The following NSUN6 variants were observed in gnomAD, a reference collection of about 807,000 sequenced individuals.
The protein encoded by NSUN6 is tRNA (cytosine(72)-C(5))-methyltransferase NSUN6.
A neutral mutation model predicts 58.0 loss-of-function variants in NSUN6; 64 were observed. That is an observed-to-expected ratio of 1.10 (90% CI 0.90 to 1.36). NSUN6 has a LOEUF of 1.36. Ranked by LOEUF, NSUN6 falls within the 40% of genes most tolerant of loss-of-function variation. NSUN6 has a pLI of 0.00. For synonymous variants in NSUN6, 231 were observed against 193.9 expected (o/e 1.19, Z -1.59); for missense variants, 701 against 550.1 (o/e 1.27, Z -2.74).
At chr10:18,585,911 A>C in intron 8 of NSUN6, 38 bp downstream of exon 8, 3 of 1,481,520 alleles carry the variant, frequency 2.0e-6, no homozygotes, top group Non-Finnish European at 2.8e-6. Flanking sequence ...CAAATATATG[A>C]TCTGTCAATT....
intron 2 of NSUN6, among the ~76,000 whole-genome samples, chr10:18,645,776 T>C (rs1264065018): frequency 6.6e-6 from 1 of 152,192 alleles, no homozygotes; most frequent in Non-Finnish European, 1.5e-5. Flanking sequence ...AGAGTATGAT[T>C]AACTTTTTAA....
chr10:18,555,907 G>GAATGT (rs1343582037), intron 8 of NSUN6, among the ~76,000 whole-genome samples: 7 of 13,844 alleles, frequency 5.1e-4, no homozygotes, highest in African/African-American at 1.0e-3. Flanking sequence ...ATGGAATGGA[G>GAATGT]AATGGAATGG....
intron 3 of NSUN6, among the ~76,000 whole-genome samples, chr10:18,617,792 G>A (rs1036512156): frequency 6.6e-6 from 1 of 152,100 alleles, no homozygotes; most frequent in Non-Finnish European, 1.5e-5. Flanking sequence ...GAGCTGTTCA[G>A]GTCATGAGTG....
At chr10:18,653,741 T>G (rs573993652), upstream of NSUN6, among the ~76,000 whole-genome samples, 1 of 152,292 alleles carries the variant, frequency 6.6e-6, no homozygotes, top group African/African-American at 2.4e-5. Flanking sequence ...CTCTTGGGAT[T>G]CTAAGGCTGG....
chr10:18,558,769 A>AGAATG (rs748192411), intron 8 of NSUN6, among the ~76,000 whole-genome samples: 53 of 150,516 alleles, frequency 3.5e-4, no homozygotes, highest in Admixed American at 1.3e-3. Context: ...GTTGTTAAGG[A>AGAATG]GAATGGAATG....
In NSUN6 at chr10:18,651,171, A is replaced by C. The variant is rs774043240; in HGVS notation, c.33T>G (p.Pro11=). ...CTTCCTTAAGATAGTTTTCAACCTC[A>C]GGTCTCAAAGATATCTTAGGGAAAA... MSIFPKISLR[P]EVENYLKEGF... is the part of the protein sequence containing the mutation. The change falls in exon 1 of 11, where the codon CCT becomes CCG. Residue 11 remains proline, a synonymous_variant. Coordinates refer to ENST00000377304, the MANE Select transcript of NSUN6 (RefSeq NM_182543.5). 5.1e-6 allele frequency: 8 copies of C among 1,579,576 alleles called. No homozygotes were observed. The African/African-American group carries it at 9.7e-5, about 19-fold the overall frequency.
At chr10:18,600,971 T>C (rs1475590811) in intron 6 of NSUN6, among the ~76,000 whole-genome samples, 8 of 112,022 alleles carry the variant, frequency 7.1e-5, no homozygotes, top group African/African-American at 2.5e-4. Flanking sequence ...CATATATATA[T>C]ATATATGTAT....
At chr10:18,561,816 G>T (rs1030339676) in intron 8 of NSUN6, among the ~76,000 whole-genome samples, 1 of 150,816 alleles carries the variant, frequency 6.6e-6, no homozygotes, top group Non-Finnish European at 1.5e-5. Flanking sequence ...ATGCAGTGGT[G>T]AATAGAATGG....
chr10:18,620,231 G>C (rs1307646400), intron 3 of NSUN6, among the ~76,000 whole-genome samples: 1 of 151,882 alleles, frequency 6.6e-6, no homozygotes, highest in Admixed American at 6.6e-5. Context: ...GAGACTACAG[G>C]CACCCGCCAC....
intron 3 of NSUN6, among the ~76,000 whole-genome samples, chr10:18,619,919 T>G (rs2058542370): frequency 1.3e-5 from 2 of 152,182 alleles, no homozygotes; most frequent in Admixed American, 6.5e-5. Flanking sequence ...TAAATATTTT[T>G]ACTATGTGCG....
In NSUN6 at chr10:18,625,823, T is replaced by A. The variant is rs530785383; in HGVS notation, c.312-9530A>T. On this transcript the variant is annotated intron_variant, in intron 3 of 10. Transcript: ENST00000377304. ...ATGTCTAAAGTTGAATAACTAAGAA[T>A]TCCACAGATCTCCAATCAAAAGACA... Among the ~76,000 whole-genome samples the A allele has an allele frequency of 1.1e-3, 165 of 148,466 alleles. No individual in the cohort carries two copies. In the South Asian group the frequency reaches 0.013, roughly 12 times the overall value.
chr10:18,622,920 T>A (rs141419138), intron 3 of NSUN6, among the ~76,000 whole-genome samples: 1 of 152,188 alleles, frequency 6.6e-6, no homozygotes, highest in African/African-American at 2.4e-5. Flanking sequence ...AAATTACCAA[T>A]TGGTTTTTGG....
At chr10:18,617,668 G>A (rs1020857902) in intron 3 of NSUN6, among the ~76,000 whole-genome samples, 1 of 152,012 alleles carries the variant, frequency 6.6e-6, no homozygotes, top group African/African-American at 2.4e-5. Flanking sequence ...GTCATTATCT[G>A]CCCAGATAAC....
intron 3 of NSUN6, among the ~76,000 whole-genome samples, chr10:18,632,010 C>T (rs1038058018): frequency 7.2e-5 from 11 of 151,764 alleles, no homozygotes; most frequent in Admixed American, 2.6e-4. Flanking sequence ...AACTATACTA[C>T]AAGGCTACAG....
chr10:18,658,347 A>T (rs1393959402), upstream of NSUN6: 1 of 152,240 alleles, frequency 6.6e-6, no homozygotes, highest in Non-Finnish European at 1.5e-5. Flanking sequence ...TTGGCATGTT[A>T]AAAGGCCACG....
At chr10:18,586,120 C>T in intron 7 of NSUN6, 27 bp from the exon 8 acceptor site, 1 of 1,371,116 alleles carries the variant, frequency 7.3e-7, no homozygotes, top group Non-Finnish European at 9.7e-7. Context: ...CACACACATG[C>T]AGAAAAAAAA....
chr10:18,574,888 C>A (rs2056572297), intron 8 of NSUN6, among the ~76,000 whole-genome samples: 2 of 152,092 alleles, frequency 1.3e-5, no homozygotes, highest in African/African-American at 4.8e-5. Flanking sequence ...ACCAGAAAAG[C>A]CTTTCTTTTG....
At position 18,546,112 on chromosome 10, in the gene NSUN6, C is replaced by G; in HGVS notation, c.1231G>C (p.Ala411Pro). The G allele has an allele frequency of 6.2e-7, 1 of 1,613,528 alleles. No homozygotes were observed. The highest frequency in any genetic ancestry group is 8.5e-7 in the Non-Finnish European group (1 of 1,179,634). ...TTCAACTGTTCACATGAGAGCCCAG[C>G]TCCCCTCATTCCTTCTCCTCCAATC... ...PQIGGEGMRG[A>P]GLSCEQLKQL... Residue 411 changes from alanine (A) to proline (P), a missense_variant, in exon 11 of 11, where the codon GCT becomes CCT. Coordinates refer to ENST00000377304, the MANE Select transcript of NSUN6 (RefSeq NM_182543.5).
chr10:18,557,700 G>A lies in NSUN6; in HGVS notation c.923-5729C>T, dbSNP rs540291570. Among the ~76,000 whole-genome samples, 74 of 146,672 alleles carry A rather than the reference G, an allele frequency of 5.0e-4. 1 individual carries two copies. The highest frequency in any genetic ancestry group is 8.9e-4 in the Admixed American group (13 of 14,658). ...AGGAGGATGGAATGGAATGGAAAGC[G>A]GAATGAAATGGAATGGAGAATGGAA... On this transcript the variant is annotated intron_variant, in intron 8 of 10. Coordinates refer to ENST00000377304, the MANE Select transcript of NSUN6 (RefSeq NM_182543.5).
Sources: allele counts gnomAD v4.1 joint callset (sites outside exome capture counted in the v4.1 genomes callset), GRCh38; gene constraint gnomAD v4.1.1; transcripts MANE v1.5; gene names NCBI Gene and HGNC (gene_info 2026-07-23, HGNC 2026-07-21).